Variants in PLPPR1 observed in about 807,000 individuals in gnomAD.
PLPPR1 encodes the protein phospholipid phosphatase related 1.
A neutral mutation model predicts 33.1 loss-of-function variants in PLPPR1; 10 were observed. That is an observed-to-expected ratio of 0.30 (90% CI 0.19 to 0.51). PLPPR1 has a LOEUF of 0.51. Ranked by LOEUF, PLPPR1 falls within the 20% of genes least tolerant of loss-of-function variation. PLPPR1 has a pLI of 0.97. For synonymous variants in PLPPR1, 151 were observed against 151.0 expected, an observed-to-expected ratio of 1.00 and a Z score of 0.00; for missense variants, 304 against 408.1, an observed-to-expected ratio of 0.74 and a Z score of 2.20.
intron 2 of PLPPR1, among the ~76,000 whole-genome samples, chr9:101,218,993 A>G (rs1027735676): frequency 1.3e-5 from 2 of 152,206 alleles, no homozygotes; most frequent in East Asian, 3.8e-4. Flanking sequence ...ACACACATCT[A>G]TATGTCCTTT....
intron 2 of PLPPR1, among the ~76,000 whole-genome samples, chr9:101,254,555 T>G (rs1444449571): frequency 6.6e-6 from 1 of 152,128 alleles, no homozygotes; most frequent in East Asian, 1.9e-4. Context: ...TAGATTATAC[T>G]ACATAGGGTG....
chr9:101,180,470 C>T (rs928016027), intron 1 of PLPPR1, among the ~76,000 whole-genome samples: 1 of 151,530 alleles, frequency 6.6e-6, no homozygotes, highest in African/African-American at 2.4e-5. Flanking sequence ...GAATGCATTA[C>T]ACTACCTAAC....
intron 1 of PLPPR1, among the ~76,000 whole-genome samples, chr9:101,118,157 G>C (rs773820512): frequency 6.6e-6 from 1 of 152,212 alleles, no homozygotes; most frequent in African/African-American, 2.4e-5. Context: ...GAGATGGGGA[G>C]GAAGCTGATA....
intron 2 of PLPPR1, among the ~76,000 whole-genome samples, chr9:101,218,738 CTT>C (rs1190771829): frequency 2.6e-5 from 4 of 152,162 alleles, no homozygotes; most frequent in Non-Finnish European, 2.9e-5. Context: ...TAACAGCTGT[CTT>C]TTAAAATGTA....
chr9:101,292,465 G>C (rs981649116), intron 4 of PLPPR1, among the ~76,000 whole-genome samples: 4 of 152,110 alleles, frequency 2.6e-5, no homozygotes, highest in Admixed American at 6.6e-5. Context: ...TCCTCGAGAA[G>C]AGCAACTCCA....
intron 1 of PLPPR1, among the ~76,000 whole-genome samples, chr9:101,168,556 C>A (rs962344982): frequency 6.6e-6 from 1 of 152,086 alleles, no homozygotes; most frequent in Non-Finnish European, 1.5e-5. Flanking sequence ...AAAATAGATT[C>A]TGCATTTCCA....
intron 4 of PLPPR1, among the ~76,000 whole-genome samples, chr9:101,291,157 G>GTCCTACGCCCATGGAGTC: frequency 6.6e-6 from 1 of 152,228 alleles, no homozygotes; most frequent in Non-Finnish European, 1.5e-5. Context: ...GGCTCGGAGG[G>GTCCTACGCCCATGGAGTC]TCCTACGCCC....
chr9:101,114,568 G>T (rs72741426), intron 1 of PLPPR1, among the ~76,000 whole-genome samples: 24,291 of 152,210 alleles, frequency 0.16, 2,332 homozygotes, highest in Non-Finnish European at 0.21. Context: ...TCCTGCCATT[G>T]CTCCCCACTG....
chr9:101,292,880 G>A (rs1323163576), intron 4 of PLPPR1, among the ~76,000 whole-genome samples: 1 of 151,872 alleles, frequency 6.6e-6, no homozygotes, highest in African/African-American at 2.4e-5. Flanking sequence ...TCGAGGCTAG[G>A]AAGAAACTGC....
At chr9:101,197,813 G>A (rs1356077572) in intron 2 of PLPPR1, among the ~76,000 whole-genome samples, 2 of 152,172 alleles carry the variant, frequency 1.3e-5, no homozygotes, top group Non-Finnish European at 2.9e-5. Flanking sequence ...TTTATACAAA[G>A]TTACAGACTG....
intron 4 of PLPPR1, among the ~76,000 whole-genome samples, chr9:101,305,992 A>G (rs1030768697): frequency 1.3e-4 from 20 of 152,210 alleles, no homozygotes; most frequent in African/African-American, 4.8e-4. Context: ...TCCTTTGTTT[A>G]GCCCAGTGTG....
At chr9:101,301,898 G>C (rs1828761499) in intron 4 of PLPPR1, among the ~76,000 whole-genome samples, 1 of 152,120 alleles carries the variant, frequency 6.6e-6, no homozygotes, top group South Asian at 2.1e-4. Context: ...TTTCATGAGG[G>C]ACATGTTATA....
chr9:101,129,032 A>G (rs969711832), intron 1 of PLPPR1, among the ~76,000 whole-genome samples: 2 of 152,318 alleles, frequency 1.3e-5, no homozygotes, highest in South Asian at 2.1e-4. Flanking sequence ...GATCATAGAT[A>G]TAGATATACA....
intron 1 of PLPPR1, among the ~76,000 whole-genome samples, chr9:101,066,315 C>T (rs542582233): frequency 1.3e-5 from 2 of 152,094 alleles, no homozygotes; most frequent in South Asian, 2.1e-4. Flanking sequence ...TGATGTTAAC[C>T]TTGATCACCT....
chr9:101,144,870 A>G (rs968295135), intron 1 of PLPPR1, among the ~76,000 whole-genome samples: 1 of 152,164 alleles, frequency 6.6e-6, no homozygotes, highest in Non-Finnish European at 1.5e-5. Context: ...CTTATATAAT[A>G]GTGTTCTAAC....
chr9:101,202,727 G>T (rs1039827460), intron 2 of PLPPR1, among the ~76,000 whole-genome samples: 3 of 152,180 alleles, frequency 2.0e-5, no homozygotes, highest in Admixed American at 6.5e-5. Context: ...TTTCTAGAAG[G>T]CTGCCAGAAT....
chr9:101,311,932 A>G (rs1366155141), intron 5 of PLPPR1, among the ~76,000 whole-genome samples: 1 of 152,200 alleles, frequency 6.6e-6, no homozygotes, highest in East Asian at 1.9e-4. Context: ...TACATGAAAA[A>G]GGCATGGCTT....
At chr9:101,301,959 A>G (rs964309477) in intron 4 of PLPPR1, among the ~76,000 whole-genome samples, 4 of 152,238 alleles carry the variant, frequency 2.6e-5, no homozygotes, top group Non-Finnish European at 4.4e-5. Flanking sequence ...GCTCCCAAGC[A>G]TAAGCTAAGA....
At chr9:101,149,801 A>G (rs1227635789) in intron 1 of PLPPR1, among the ~76,000 whole-genome samples, 1 of 152,134 alleles carries the variant, frequency 6.6e-6, no homozygotes, top group Admixed American at 6.6e-5. Flanking sequence ...TTCCTAGGGA[A>G]AGATATGTCT....
Sources: gnomAD v4.1 joint callset for allele counts (sites outside exome capture counted in the v4.1 genomes callset) on GRCh38, gnomAD v4.1.1 for gene constraint, MANE v1.5 for transcripts, NCBI Gene and HGNC (gene_info 2026-07-23, HGNC 2026-07-21) for gene names.